The following UST variants were observed in gnomAD, a reference collection of about 807,000 sequenced individuals.
The protein encoded by UST is chondroitin sulfate 2-O-sulfotransferase.
Under a neutral mutation model 45.6 loss-of-function variants are expected in UST, and 21 were observed. The ratio of observed to expected loss-of-function variants is 0.46; its 90% CI spans 0.33 to 0.66. UST has a LOEUF of 0.66. Ranked by LOEUF, UST falls within the 30% of genes least tolerant of loss-of-function variation. The pLI is 0.02. For missense variants in UST, 463 were observed against 512.4 expected (o/e 0.90, Z 0.93); for synonymous variants, 215 against 200.6 (o/e 1.07, Z -0.61).
rs567613924 is a variant in UST, at chr6:148,878,615, C to T, written c.248-8371C>T. ...GGGGGTCGTGTATTAGTGTGGGTGT[C>T]GTGTATGAGTGTGGAGATCGTGTAT... On this transcript the variant is annotated intron_variant, in intron 1 of 7. Coordinates refer to ENST00000367463, the MANE Select transcript of UST (RefSeq NM_005715.3). 1.6e-4 allele frequency among the ~76,000 whole-genome samples: 16 copies of T among 99,640 alleles called. No homozygotes were observed. The South Asian group carries it at 5.1e-3, about 32-fold the overall frequency. 65.4% of individuals were successfully genotyped at this position (99,640 alleles called of 152,430 possible).
At chr6:149,004,047 C>T (rs1221504899) in intron 5 of UST, among the ~76,000 whole-genome samples, 1 of 152,118 alleles carries the variant, frequency 6.6e-6, no homozygotes, top group East Asian at 1.9e-4. Context: ...TTAAAAGATA[C>T]TTTTGGCACT....
At chr6:149,071,440 T>A (rs1776817225) in intron 7 of UST, among the ~76,000 whole-genome samples, 1 of 151,990 alleles carries the variant, frequency 6.6e-6, no homozygotes. Context: ...TGAGGGCAAA[T>A]CTTCATGACC....
intron 1 of UST, among the ~76,000 whole-genome samples, chr6:148,855,015 G>C (rs1156294097): frequency 6.6e-6 from 1 of 152,154 alleles, no homozygotes; most frequent in African/African-American, 2.4e-5. Context: ...GGAGGATCAA[G>C]TCACGTCTTA....
intron 5 of UST, among the ~76,000 whole-genome samples, chr6:149,006,976 A>C (rs912621614): frequency 1.1e-4 from 17 of 152,162 alleles, no homozygotes; most frequent in Non-Finnish European, 2.4e-4. Context: ...GATTTTAGGA[A>C]CTTCAAGTTC....
chr6:149,012,060 T>C (rs1775821155), intron 5 of UST, among the ~76,000 whole-genome samples: 1 of 152,214 alleles, frequency 6.6e-6, no homozygotes, highest in Admixed American at 6.5e-5. Context: ...ATATTAAATA[T>C]CCAACATCGC....
At chr6:148,918,877 T>A (rs1350978803) in intron 2 of UST, among the ~76,000 whole-genome samples, 4 of 152,202 alleles carry the variant, frequency 2.6e-5, no homozygotes, top group Admixed American at 2.6e-4. Context: ...GAAGATAGCT[T>A]TGTTAGCCAC....
intron 1 of UST, among the ~76,000 whole-genome samples, chr6:148,781,435 C>T (rs557177668): frequency 2.4e-3 from 367 of 152,206 alleles, no homozygotes; most frequent in Middle Eastern, 6.8e-3. Context: ...GGTGAGGAAG[C>T]TGCAGAAGAA....
chr6:148,993,766 C>T (rs1781398403), intron 5 of UST, among the ~76,000 whole-genome samples: 1 of 152,122 alleles, frequency 6.6e-6, no homozygotes, highest in Non-Finnish European at 1.5e-5. Flanking sequence ...TCCCCTGAGC[C>T]TCACTTGCTC....
intron 1 of UST, among the ~76,000 whole-genome samples, chr6:148,820,420 C>T (rs1777434455): frequency 6.6e-6 from 1 of 152,162 alleles, no homozygotes; most frequent in Non-Finnish European, 1.5e-5. Flanking sequence ...ACCTCTCAAA[C>T]TTGTTCTCCC....
intron 3 of UST, among the ~76,000 whole-genome samples, chr6:148,946,378 G>A (rs1292030012): frequency 6.6e-6 from 1 of 151,778 alleles, no homozygotes; most frequent in Non-Finnish European, 1.5e-5. Flanking sequence ...GGGCGTGGTG[G>A]TGCACGCCTG....
At position 148,812,795 on chromosome 6, in the gene UST, G is replaced by A. The variant is rs117104930; in HGVS notation, c.247+65118G>A. Among the ~76,000 whole-genome samples, 52 of 152,276 alleles carry A rather than the reference G, an allele frequency of 3.4e-4. No homozygotes were observed. In the East Asian group the frequency reaches 5.6e-3, roughly 16 times the overall value. ...TAACTTCTGCCATATTTTATTGGTC[G>A]CACAGACCAATCCTGATACAGCATG... On this transcript the variant is annotated intron_variant, in intron 1 of 7. Coordinates refer to ENST00000367463, the MANE Select transcript of UST (RefSeq NM_005715.3).
At chr6:148,981,180 A>T (rs1196415253) in intron 5 of UST, among the ~76,000 whole-genome samples, 2 of 152,132 alleles carry the variant, frequency 1.3e-5, no homozygotes, top group South Asian at 4.1e-4. Flanking sequence ...CTGAAGTCAC[A>T]CTATATTCCA....
At chr6:148,892,081 A>G (rs2114850340) in intron 2 of UST, among the ~76,000 whole-genome samples, 1 of 152,304 alleles carries the variant, frequency 6.6e-6, no homozygotes, top group South Asian at 2.1e-4. Flanking sequence ...TAAGAATAGC[A>G]TGTTTTCTTT....
chr6:148,859,679 A>C (rs957906146), intron 1 of UST, among the ~76,000 whole-genome samples: 40 of 152,204 alleles, frequency 2.6e-4, no homozygotes, highest in Non-Finnish European at 2.9e-5. Context: ...TATAAGGTGT[A>C]AGGAAGGGAT....
chr6:148,772,922 T>C (rs1005538548), intron 1 of UST, among the ~76,000 whole-genome samples: 9 of 152,236 alleles, frequency 5.9e-5, no homozygotes, highest in African/African-American at 2.2e-4. Context: ...ATTTTACTAT[T>C]TTTCAACAAC....
rs370586651 is a variant in UST at position 148,878,707 on chromosome 6, AG to A, written c.248-8277del. 8.5e-3 allele frequency among the ~76,000 whole-genome samples: 199 copies of A among 23,500 alleles called. 10 individuals are homozygous for A. The South Asian group carries it at 0.15, about 18-fold the overall frequency. 15.4% of individuals were successfully genotyped at this position (23,500 alleles called of 152,430 possible). On this transcript the variant is annotated intron_variant, in intron 1 of 7. Coordinates refer to ENST00000367463, the MANE Select transcript of UST (RefSeq NM_005715.3). ...GTGCGGGGGTCGTGTGTGAGTGCGG[AG>A]GTCGTGTATGAGTGCAGGGGATCAT... is the stretch of plus-strand genomic sequence containing the variant.
chr6:148,952,297 T>C (rs1440465471), intron 3 of UST, among the ~76,000 whole-genome samples: 1 of 152,144 alleles, frequency 6.6e-6, no homozygotes, highest in African/African-American at 2.4e-5. Flanking sequence ...CACTTGCAGG[T>C]GGTGTGTCGA....
chr6:148,956,962 C>T (rs1780525018), intron 4 of UST, among the ~76,000 whole-genome samples: 2 of 151,984 alleles, frequency 1.3e-5, no homozygotes, highest in East Asian at 1.9e-4. Flanking sequence ...GGTGTTTCTT[C>T]GGGGAGGTGA....
chr6:148,826,866 C>T (rs1172935246), intron 1 of UST, among the ~76,000 whole-genome samples: 1 of 152,126 alleles, frequency 6.6e-6, no homozygotes, highest in Non-Finnish European at 1.5e-5. Context: ...GGTTCAGTGC[C>T]TCTCATGTTG....
Sources: allele counts gnomAD v4.1 joint callset (sites outside exome capture counted in the v4.1 genomes callset), GRCh38; gene constraint gnomAD v4.1.1; transcripts MANE v1.5; gene names NCBI Gene and HGNC (gene_info 2026-07-23, HGNC 2026-07-21).